Variants in UBN2 observed in about 807,000 individuals in gnomAD.
UBN2 encodes the protein ubinuclein-2.
A neutral mutation model predicts 120.2 loss-of-function variants in UBN2; 35 were observed. The ratio of observed to expected loss-of-function variants is 0.29; its 90% CI spans 0.22 to 0.39. The LOEUF (loss-of-function observed/expected upper bound fraction) is 0.39, where lower values mean the gene tolerates loss of function less well. Among genes scored for constraint, UBN2 ranks in the 10% least tolerant of loss-of-function variants. The pLI, the probability that UBN2 is intolerant of heterozygous loss-of-function variation, is 1.00. For synonymous variants in UBN2, 661 were observed against 648.7 expected (o/e 1.02, Z -0.29); for missense variants, 1,693 against 1,663.2 (o/e 1.02, Z -0.31).
chr7:139,272,161 T>G (rs981191481), intron 8 of UBN2, among the ~76,000 whole-genome samples, 161 bp from the exon 9 acceptor site: 1 of 152,218 alleles, frequency 6.6e-6, no homozygotes, highest in African/African-American at 2.4e-5. Context: ...CAGTGTGTCT[T>G]AGGAAAAGTC....
chr7:139,292,807 G>A (rs1797997996), intron 15 of UBN2, among the ~76,000 whole-genome samples: 2 of 152,128 alleles, frequency 1.3e-5, no homozygotes, highest in African/African-American at 2.4e-5. Context: ...CCTTGGCCTC[G>A]TCTCTCTAAG....
Position 139,266,042 on chromosome 7 carries a change from T to G in UBN2, c.1396-291T>G, listed in dbSNP as rs753894187. 3.3e-5 allele frequency among the ~76,000 whole-genome samples: 5 copies of G among 152,080 alleles called. No homozygotes were observed. In the South Asian group the frequency reaches 6.2e-4, roughly 19 times the overall value. ...TCTGTTCATCACAACTCATTTGGTGTTCTACTGTTAGGAGATTCTTTTTTT... is the reference window on the plus strand; with the variant it reads ...TCTGTTCATCACAACTCATTTGGTGGTCTACTGTTAGGAGATTCTTTTTTT... On this transcript the variant is annotated intron_variant, in intron 6 of 17. Transcript: ENST00000473989.
chr7:139,284,653 C>T (rs943960987), intron 15 of UBN2, 79 bp downstream of exon 15: 2 of 1,260,084 alleles, frequency 1.6e-6, no homozygotes, highest in African/African-American at 1.5e-5. Context: ...CTTTAATAAG[C>T]TTTTTATGAT....
At chr7:139,282,746 G>T (rs1365478236) in intron 14 of UBN2, among the ~76,000 whole-genome samples, 4 of 152,156 alleles carry the variant, frequency 2.6e-5, no homozygotes, top group Non-Finnish European at 5.9e-5. Flanking sequence ...TAATGCAGGT[G>T]GGGGAGGCTC....
intron 15 of UBN2, 93 bp from the exon 16 acceptor site, chr7:139,293,139 G>C (rs1057284683): frequency 2.5e-5 from 25 of 1,018,622 alleles, no homozygotes; most frequent in Middle Eastern, 4.2e-4. Flanking sequence ...GCAGATGTAA[G>C]GCACAGTCTT....
At chr7:139,285,730 T>C (rs1193051921) in intron 15 of UBN2, among the ~76,000 whole-genome samples, 2 of 151,800 alleles carry the variant, frequency 1.3e-5, no homozygotes, top group African/African-American at 4.8e-5. Flanking sequence ...TTGAGAACTC[T>C]TTATTATATA....
At chr7:139,250,932 C>T (rs1050614735) in intron 2 of UBN2, among the ~76,000 whole-genome samples, 31 of 152,098 alleles carry the variant, frequency 2.0e-4, no homozygotes, top group African/African-American at 7.2e-4. Context: ...CATAGGGAGG[C>T]CCTGTCTCTA....
At chr7:139,275,911 G>C (rs992466118) in intron 11 of UBN2, among the ~76,000 whole-genome samples, 186 bp from the exon 12 acceptor site, 1 of 152,106 alleles carries the variant, frequency 6.6e-6, no homozygotes, top group African/African-American at 2.4e-5. Context: ...GGAGGCCTAG[G>C]TTATAGTGAG....
At chr7:139,279,261 T>A in intron 12 of UBN2, 57 bp from the exon 13 acceptor site, 2 of 1,339,618 alleles carry the variant, frequency 1.5e-6, no homozygotes, top group Non-Finnish European at 2.1e-6. Flanking sequence ...CTATATAACT[T>A]TCTAATGAGC....
intron 15 of UBN2, among the ~76,000 whole-genome samples, chr7:139,291,320 C>T (rs1797948845): frequency 1.5e-5 from 2 of 129,362 alleles, no homozygotes; most frequent in Non-Finnish European, 3.1e-5. Flanking sequence ...AAGATCGCAG[C>T]ACTACACTGC....
rs546593521 is a variant in UBN2, at chr7:139,240,060, C to T, written c.561+2963C>T. 3.9e-5 allele frequency among the ~76,000 whole-genome samples: 6 copies of T among 152,202 alleles called. No homozygotes were observed. The South Asian group carries it at 6.2e-4, about 16-fold the overall frequency. On this transcript the variant is annotated intron_variant, in intron 2 of 17. Transcript: ENST00000473989. ...AGCGTTCTGAAGAAGTTGTTTGATG[C>T]GTGAAATTGAGTTTCAATTGACTTA...
rs1797773259 is a variant in UBN2, at chr7:139,285,903, T to A, written c.3669+1329T>A. On this transcript the variant is annotated intron_variant, in intron 15 of 17. Coordinates refer to ENST00000473989, the MANE Select transcript of UBN2 (RefSeq NM_173569.4). ...AATTACAGGCACCCGCCACCATGCCTGGCTAATTTTTGTATATTTATTTAT... is the reference window on the plus strand; with the variant it reads ...AATTACAGGCACCCGCCACCATGCCAGGCTAATTTTTGTATATTTATTTAT... Among the ~76,000 whole-genome samples the A allele has an allele frequency of 2.6e-5, 4 of 151,844 alleles. No homozygotes were observed. In the South Asian group the frequency reaches 8.3e-4, roughly 31 times the overall value.
downstream of UBN2, among the ~76,000 whole-genome samples, chr7:139,309,785 C>T (rs759627291): frequency 9.2e-5 from 14 of 152,186 alleles, no homozygotes; most frequent in Non-Finnish European, 1.6e-4. Flanking sequence ...ACACAAGAAT[C>T]ACTTGAGCCC....
chr7:139,241,996 T>TCC (rs1005912270), intron 2 of UBN2, among the ~76,000 whole-genome samples: 2 of 148,676 alleles, frequency 1.3e-5, no homozygotes, highest in South Asian at 2.1e-4. Flanking sequence ...AGAATCCAGC[T>TCC]CCCCCCCCCA....
intron 7 of UBN2, 83 bp downstream of exon 7, chr7:139,266,486 G>A (rs1337234896): frequency 2.7e-6 from 2 of 734,748 alleles, no homozygotes; most frequent in Non-Finnish European, 2.2e-6. Flanking sequence ...TGAGTGGTTG[G>A]CAAGTCTTGG....
chr7:139,246,876 T>C (rs1796484185), intron 2 of UBN2, among the ~76,000 whole-genome samples: 1 of 152,184 alleles, frequency 6.6e-6, no homozygotes, highest in Non-Finnish European at 1.5e-5. Flanking sequence ...CCTCCATGTA[T>C]TGCCTGTGTC....
intron 15 of UBN2, among the ~76,000 whole-genome samples, chr7:139,285,868 G>A (rs1585025065): frequency 2.0e-5 from 3 of 151,816 alleles, no homozygotes; most frequent in Non-Finnish European, 4.4e-5. Flanking sequence ...TTAGGCTCCC[G>A]AGTAGCTGGA....
chr7:139,238,501 G>A (rs908180199), intron 2 of UBN2, among the ~76,000 whole-genome samples: 12 of 152,110 alleles, frequency 7.9e-5, no homozygotes, highest in African/African-American at 2.4e-4. Context: ...TTGGCTCACT[G>A]TAACCTCCAC....
chr7:139,283,110 C>G lies in UBN2; in HGVS notation c.2205C>G (p.Ala735=), dbSNP rs1177872796. ...SGPPTSSSTA[A]IAAASSSSAP... ...CTCCAACGAGCTCCAGCACAGCTGC[C>G]ATTGCTGCAGCTAGCTCTAGCTCTG... Residue 735 remains alanine, a synonymous_variant, in exon 15 of 18, where the codon GCC becomes GCG. Coordinates refer to ENST00000473989, the MANE Select transcript of UBN2 (RefSeq NM_173569.4). 2 of 1,612,868 alleles carry G rather than the reference C, an allele frequency of 1.2e-6. No individual in the cohort carries two copies. The highest frequency in any genetic ancestry group is 1.7e-6 in the Non-Finnish European group (2 of 1,179,916).
Sources: allele counts gnomAD v4.1 joint callset (sites outside exome capture counted in the v4.1 genomes callset), GRCh38; gene constraint gnomAD v4.1.1; transcripts MANE v1.5; gene names NCBI Gene and HGNC (gene_info 2026-07-23, HGNC 2026-07-21).